Variants in CPNE4 observed in about 807,000 individuals in gnomAD.
CPNE4 encodes the protein copine-4.
In CPNE4, 25 loss-of-function variants were observed where a neutral mutation model predicts 67.9. The ratio of observed to expected loss-of-function variants is 0.37; its 90% CI spans 0.27 to 0.51. The LOEUF (loss-of-function observed/expected upper bound fraction) is 0.51, where lower values mean the gene tolerates loss of function less well. Ranked by LOEUF, CPNE4 falls within the 20% of genes least tolerant of loss-of-function variation. CPNE4 has a pLI of 0.93. For missense variants in CPNE4, 464 were observed against 690.8 expected, an observed-to-expected ratio of 0.67 and a Z score of 3.68; for synonymous variants, 242 against 244.9, an observed-to-expected ratio of 0.99 and a Z score of 0.11.
intron 7 of CPNE4, among the ~76,000 whole-genome samples, chr3:131,590,339 C>T (rs1405331032): frequency 6.6e-6 from 1 of 152,104 alleles, no homozygotes; most frequent in Non-Finnish European, 1.5e-5. Context: ...GGGTGGAACT[C>T]TACAGAAATA....
At chr3:131,837,111 C>G (rs1489203668) in intron 2 of CPNE4, among the ~76,000 whole-genome samples, 2 of 152,130 alleles carry the variant, frequency 1.3e-5, no homozygotes, top group African/African-American at 4.8e-5. Flanking sequence ...AACTTGATCT[C>G]TCATGTACTG....
intron 2 of CPNE4, among the ~76,000 whole-genome samples, chr3:131,849,047 A>T (rs2086129724): frequency 6.6e-6 from 1 of 151,408 alleles, no homozygotes; most frequent in African/African-American, 2.4e-5. Flanking sequence ...TACAGAAAAT[A>T]CATTTCCTCA....
intron 1 of CPNE4, among the ~76,000 whole-genome samples, chr3:131,963,659 C>T (rs1052967257): frequency 2.0e-5 from 3 of 152,194 alleles, no homozygotes; most frequent in Non-Finnish European, 2.9e-5. Flanking sequence ...GGCAGCGAAG[C>T]GGCTGTGGCC....
At chr3:131,643,131 C>G (rs1024341311) in intron 7 of CPNE4, among the ~76,000 whole-genome samples, 22 of 152,166 alleles carry the variant, frequency 1.4e-4, no homozygotes, top group African/African-American at 5.1e-4. Flanking sequence ...GAGGTGGTCT[C>G]TGACGGAGAT....
At chr3:131,726,726 C>CG (rs373850517) in intron 2 of CPNE4, among the ~76,000 whole-genome samples, 429 of 31,100 alleles carry the variant, frequency 0.014, 3 homozygotes, top group Middle Eastern at 0.11. Flanking sequence ...CTGGGGGGGG[C>CG]GGGGGGGCTT....
intron 2 of CPNE4, among the ~76,000 whole-genome samples, chr3:131,828,080 T>C (rs1425591932): frequency 6.6e-6 from 1 of 150,954 alleles, no homozygotes; most frequent in African/African-American, 2.5e-5. Context: ...CCCTATTGTC[T>C]AGAAAAAGCC....
At chr3:131,957,739 C>T (rs557115793) in intron 1 of CPNE4, among the ~76,000 whole-genome samples, 3 of 152,200 alleles carry the variant, frequency 2.0e-5, no homozygotes, top group Admixed American at 6.5e-5. Flanking sequence ...TGCACACAGC[C>T]TCTGTATTCA....
chr3:131,813,657 T>C (rs2084622658), intron 2 of CPNE4, among the ~76,000 whole-genome samples: 1 of 152,038 alleles, frequency 6.6e-6, no homozygotes, highest in South Asian at 2.1e-4. Flanking sequence ...GAGAAACAGG[T>C]TAACCATTTT....
At chr3:131,827,947 AGAGCATATCT>A (rs1268015353) in intron 2 of CPNE4, among the ~76,000 whole-genome samples, 1 of 152,044 alleles carries the variant, frequency 6.6e-6, no homozygotes, top group Non-Finnish European at 1.5e-5. Context: ...CTCTTCACAA[AGAGCATATCT>A]GAGCTCTTCA....
At chr3:131,816,759 C>T (rs902599690) in intron 2 of CPNE4, among the ~76,000 whole-genome samples, 2 of 152,160 alleles carry the variant, frequency 1.3e-5, no homozygotes, top group Non-Finnish European at 2.9e-5. Context: ...TCTTTGTCCA[C>T]ACTATTTCCC....
rs527569138 is a variant in CPNE4 at position 131,856,273 on chromosome 3, C to T, written c.180+48991G>A. ...ATGTTTATAAAAACATAAACCATGT[C>T]TTACATGGTTTCTACATAGTCATCT... On this transcript the variant is annotated intron_variant, in intron 2 of 15. Transcript: ENST00000429747. Among the ~76,000 whole-genome samples, 16 of 151,914 alleles carry T rather than the reference C, an allele frequency of 1.1e-4. 1 individual carries two copies. The South Asian group carries it at 3.1e-3, about 30-fold the overall frequency.
intron 2 of CPNE4, among the ~76,000 whole-genome samples, chr3:131,858,337 T>C (rs2086532424): frequency 6.6e-6 from 1 of 151,258 alleles, no homozygotes; most frequent in African/African-American, 2.4e-5. Context: ...TGTTCTCTAT[T>C]CTAATGAACT....
intron 11 of CPNE4, among the ~76,000 whole-genome samples, chr3:131,561,830 T>A (rs1259199356): frequency 2.0e-5 from 3 of 152,064 alleles, no homozygotes; most frequent in Admixed American, 2.0e-4. Context: ...CTATTGTCTA[T>A]CCACCCACAC....
At chr3:131,964,172 T>G (rs1483059286) in intron 1 of CPNE4, among the ~76,000 whole-genome samples, 1 of 151,574 alleles carries the variant, frequency 6.6e-6, no homozygotes, top group Non-Finnish European at 1.5e-5. Flanking sequence ...AGCAATAATA[T>G]CAACATCAAC....
chr3:131,583,053 T>C (rs550998809), intron 8 of CPNE4, among the ~76,000 whole-genome samples: 70 of 152,288 alleles, frequency 4.6e-4, no homozygotes, highest in African/African-American at 1.5e-3. Flanking sequence ...TACATAGGAT[T>C]TGGAAGAGGG....
chr3:132,031,328 G>GTTTTTC (rs2074230079), intron 1 of CPNE4, among the ~76,000 whole-genome samples: 1 of 152,076 alleles, frequency 6.6e-6, no homozygotes, highest in South Asian at 2.1e-4. Flanking sequence ...AAAGGTTTTT[G>GTTTTTC]TTTTTCTTTT....
intron 2 of CPNE4, among the ~76,000 whole-genome samples, chr3:131,835,667 C>T (rs555237038): frequency 6.6e-6 from 1 of 152,294 alleles, no homozygotes; most frequent in Non-Finnish European, 1.5e-5. Flanking sequence ...CACTCCCCAC[C>T]AGCCTATCTG....
chr3:131,837,585 G>A (rs1185377865), intron 2 of CPNE4, among the ~76,000 whole-genome samples: 1 of 151,966 alleles, frequency 6.6e-6, no homozygotes, highest in African/African-American at 2.4e-5. Flanking sequence ...TTTGGGGGGT[G>A]AGTGATAGAA....
intron 2 of CPNE4, among the ~76,000 whole-genome samples, chr3:131,903,075 A>C (rs1235590310): frequency 6.6e-6 from 1 of 152,094 alleles, no homozygotes; most frequent in Non-Finnish European, 1.5e-5. Flanking sequence ...GATATCACAT[A>C]TCTACATACA....
Sources: allele counts gnomAD v4.1 joint callset (sites outside exome capture counted in the v4.1 genomes callset), GRCh38; gene constraint gnomAD v4.1.1; transcripts MANE v1.5; gene names NCBI Gene and HGNC (gene_info 2026-07-23, HGNC 2026-07-21).